LRRC2: variants seen among roughly 807,000 people sequenced by gnomAD.
LRRC2 encodes the protein leucine-rich repeat-containing protein 2.
Under a neutral mutation model 40.2 loss-of-function variants are expected in LRRC2, and 27 were observed. That is an observed-to-expected ratio of 0.67 (90% CI 0.49 to 0.93). The LOEUF is 0.93. Among genes scored for constraint, LRRC2 ranks in the 40% least tolerant of loss-of-function variants. The probability of loss-of-function intolerance (pLI) is 0.00; values close to 1 mark genes in which losing one functional copy is unlikely to be tolerated. For missense variants in LRRC2, 402 were observed against 439.6 expected, an observed-to-expected ratio of 0.91 and a Z score of 0.76; for synonymous variants, 147 against 158.9, an observed-to-expected ratio of 0.92 and a Z score of 0.56.
chr3:46,545,212 T>G lies in LRRC2; in HGVS notation c.167A>C (p.Lys56Thr), dbSNP rs1704500487. The G allele has an allele frequency of 5.6e-6, 9 of 1,614,046 alleles. No homozygotes were observed. Among genetic ancestry groups the G allele is most frequent in the Non-Finnish European group, 7.6e-6 (9 of 1,180,022 alleles). ...GCAGTATACAGCCTGGGGGATGCCC[T>G]TCCTCCTGCATTCGGCCACAAAGTT... Reference protein sequence around the residue: ...EWNFVAECRRKGIPQAVYCKN... With the variant: ...EWNFVAECRRTGIPQAVYCKN... Residue 56 changes from lysine (K) to threonine (T), a missense_variant, in exon 3 of 9, where the codon AAG becomes ACG. Physicochemically the swap from Lys to Thr is moderately conservative, Grantham distance 78. Transcript: ENST00000395905.
At chr3:46,565,663 C>G (rs1705041227) in intron 1 of LRRC2, among the ~76,000 whole-genome samples, 2 of 152,188 alleles carry the variant, frequency 1.3e-5, no homozygotes, top group Admixed American at 1.3e-4. Flanking sequence ...AATTCCTCCT[C>G]CTCTGGGTCT....
At chr3:46,561,741 G>A (rs1360006577) in intron 1 of LRRC2, among the ~76,000 whole-genome samples, 1 of 152,160 alleles carries the variant, frequency 6.6e-6, no homozygotes, top group Non-Finnish European at 1.5e-5. Flanking sequence ...CCATTGCTTG[G>A]TTGCTAACAA....
intron 2 of LRRC2, among the ~76,000 whole-genome samples, chr3:46,550,935 C>T (rs1201332561): frequency 6.6e-6 from 1 of 152,206 alleles, no homozygotes; most frequent in Non-Finnish European, 1.5e-5. Context: ...TTCCAAAGCA[C>T]TCAACTTGGT....
chr3:46,534,517 T>A (rs550672626), intron 4 of LRRC2, among the ~76,000 whole-genome samples: 1 of 151,704 alleles, frequency 6.6e-6, no homozygotes, highest in East Asian at 1.9e-4. Context: ...AGGAACAAAG[T>A]ACAGTTTCTA....
At chr3:46,565,769 T>C (rs1242626638) in intron 1 of LRRC2, among the ~76,000 whole-genome samples, 1 of 152,206 alleles carries the variant, frequency 6.6e-6, no homozygotes, top group Non-Finnish European at 1.5e-5. Flanking sequence ...GGGCCATGTG[T>C]CAATCATACC....
intron 1 of LRRC2, among the ~76,000 whole-genome samples, chr3:46,560,507 C>T (rs557439320): frequency 5.9e-5 from 9 of 152,288 alleles, no homozygotes; most frequent in African/African-American, 2.2e-4. Flanking sequence ...AAAAATTAAC[C>T]TCTACGGGAT....
At chr3:46,550,001 G>GT (rs1369328044) in intron 2 of LRRC2, among the ~76,000 whole-genome samples, 2 of 152,234 alleles carry the variant, frequency 1.3e-5, no homozygotes, top group African/African-American at 4.8e-5. Flanking sequence ...CTTTTTTGTT[G>GT]TTTTTTTGTA....
chr3:46,538,969 A>C, intron 4 of LRRC2, 76 bp downstream of exon 4: 1 of 1,475,746 alleles, frequency 6.8e-7, no homozygotes, highest in Non-Finnish European at 9.3e-7. Context: ...CGGTGTCTGC[A>C]CAGTGTCTGT....
At chr3:46,521,436 G>T (rs1703962209) in intron 8 of LRRC2, 86 bp downstream of exon 8, 13 of 1,118,180 alleles carry the variant, frequency 1.2e-5, no homozygotes, top group Non-Finnish European at 1.6e-5. Flanking sequence ...TAAACTTTTT[G>T]TCAATTTGAC....
chr3:46,549,597 G>C (rs1704599129), intron 2 of LRRC2, among the ~76,000 whole-genome samples: 1 of 152,328 alleles, frequency 6.6e-6, no homozygotes, highest in Non-Finnish European at 1.5e-5. Flanking sequence ...ATGACACTGA[G>C]CCCAAGTCAA....
At chr3:46,547,686 T>C (rs1386937987) in intron 2 of LRRC2, among the ~76,000 whole-genome samples, 1 of 117,092 alleles carries the variant, frequency 8.5e-6, no homozygotes, top group African/African-American at 3.3e-5. Context: ...AAAATATATA[T>C]ATAACATATG....
At chr3:46,534,460 CTTTCTTTCTTTG>C (rs1203678313) in intron 4 of LRRC2, among the ~76,000 whole-genome samples, 127 of 144,098 alleles carry the variant, frequency 8.8e-4, no homozygotes, top group Admixed American at 5.6e-4. Flanking sequence ...TTCTTTCTTT[CTTTCTTTCTTTG>C]TTTCTTTCTT....
chr3:46,549,047 G>A (rs774842677), intron 2 of LRRC2, among the ~76,000 whole-genome samples: 4 of 152,134 alleles, frequency 2.6e-5, no homozygotes, highest in Non-Finnish European at 5.9e-5. Flanking sequence ...CGCTCCAAAT[G>A]ATCAAGTTTC....
intron 1 of LRRC2, chr3:46,559,508 T>G (rs1704889060): frequency 6.6e-6 from 1 of 152,262 alleles, no homozygotes; most frequent in African/African-American, 2.4e-5. Context: ...TTCTTTCATT[T>G]CCTCAGGCCA....
intron 6 of LRRC2, 137 bp downstream of exon 6, chr3:46,529,768 G>T: frequency 1.1e-6 from 1 of 914,688 alleles, no homozygotes; most frequent in Non-Finnish European, 1.6e-6. Flanking sequence ...CTCGGAAACT[G>T]ATTTCCTGGA....
chr3:46,560,538 A>G (rs540470805), intron 1 of LRRC2, among the ~76,000 whole-genome samples: 13 of 152,344 alleles, frequency 8.5e-5, no homozygotes, highest in African/African-American at 3.1e-4. Flanking sequence ...GACCCTCAAT[A>G]CAAACAAAGC....
At position 46,521,606 on chromosome 3, in the gene LRRC2, T is replaced by C; in HGVS notation, c.982A>G (p.Asn328Asp). ...TCCCGTTCACTTTCCATTATTTCAT[T>C]GCCATCTTCACATTGGGCATTATCA... ...PIDNAQCEDGNEIMESERDRQ... is the reference protein window; with the variant it reads ...PIDNAQCEDGDEIMESERDRQ... The change falls in exon 8 of 9, where the codon AAT becomes GAT. Residue 328 changes from asparagine (N) to aspartate (D), a missense_variant. By Grantham distance (23) the Asn-to-Asp change is conservative. Transcript: ENST00000395905. 1 of 1,613,124 alleles carries C rather than the reference T, an allele frequency of 6.2e-7. No homozygotes were observed. The highest frequency in any genetic ancestry group is 8.5e-7 in the Non-Finnish European group (1 of 1,179,600).
At chr3:46,560,502 T>C (rs1704910879) in intron 1 of LRRC2, among the ~76,000 whole-genome samples, 1 of 152,154 alleles carries the variant, frequency 6.6e-6, no homozygotes, top group Non-Finnish European at 1.5e-5. Flanking sequence ...AAGGGAAAAA[T>C]TAACCTCTAC....
chr3:46,548,125 G>T (rs1323934282), intron 2 of LRRC2, among the ~76,000 whole-genome samples: 1 of 152,132 alleles, frequency 6.6e-6, no homozygotes, highest in Non-Finnish European at 1.5e-5. Context: ...GCAATATAAT[G>T]AGATGATACC....
Sources: gnomAD v4.1 joint callset for allele counts (sites outside exome capture counted in the v4.1 genomes callset) on GRCh38, gnomAD v4.1.1 for gene constraint, MANE v1.5 for transcripts, NCBI Gene and HGNC (gene_info 2026-07-23, HGNC 2026-07-21) for gene names.